KCND3: variants seen among roughly 807,000 people sequenced by gnomAD.
KCND3 encodes potassium voltage-gated channel subfamily D member 3.
In KCND3, 9 loss-of-function variants were observed where a neutral mutation model predicts 51.1. The ratio of observed to expected loss-of-function variants is 0.18; its 90% CI spans 0.11 to 0.31. The LOEUF is 0.31. KCND3 is among the 10% of genes least tolerant of loss of function. The pLI is 1.00. For synonymous variants in KCND3, 349 were observed against 368.0 expected, an observed-to-expected ratio of 0.95 and a Z score of 0.59; for missense variants, 526 against 903.8, an observed-to-expected ratio of 0.58 and a Z score of 5.36.
chr1:111,776,513 A>G (rs28635955), intron 7 of KCND3, among the ~76,000 whole-genome samples: 1 of 152,194 alleles, frequency 6.6e-6, no homozygotes, highest in African/African-American at 2.4e-5. Context: ...CACCCCCACC[A>G]GTGATTGTAT....
intron 2 of KCND3, among the ~76,000 whole-genome samples, chr1:111,954,430 A>G (rs1673221327): frequency 6.6e-6 from 1 of 152,244 alleles, no homozygotes; most frequent in Non-Finnish European, 1.5e-5. Flanking sequence ...TACAGAACTG[A>G]GACCATTTGT....
Position 111,981,938 on chromosome 1 carries a change from G to A in KCND3, c.789C>T (p.Asp263=), listed in dbSNP as rs373264592. 5.5e-5 allele frequency: 88 copies of A among 1,614,118 alleles called. No individual in the cohort carries two copies. In the East Asian group the frequency reaches 1.1e-3, roughly 20 times the overall value. The change falls in exon 2 of 8, where the codon GAC becomes GAT. Residue 263 remains aspartate, a synonymous_variant. Transcript: ENST00000302127. The surrounding 1 kb of genome is among the most constrained non-coding windows in gnomAD (Gnocchi z 6.2). ...RFIRSVMSII[D]VVAIMPYYIG... ...TGTAGTAGGGCATGATGGCCACCAC[G>A]TCGATGATGCTCATGACGCTGCGGA... is the stretch of plus-strand genomic sequence containing the variant.
At chr1:111,957,572 A>G (rs979870482) in intron 2 of KCND3, among the ~76,000 whole-genome samples, 1 of 151,758 alleles carries the variant, frequency 6.6e-6, no homozygotes, top group Non-Finnish European at 1.5e-5. Flanking sequence ...AAAAAAAAAG[A>G]GAGATATGTG....
intron 2 of KCND3, among the ~76,000 whole-genome samples, chr1:111,890,197 G>A (rs988807673): frequency 6.6e-6 from 1 of 152,202 alleles, no homozygotes; most frequent in African/African-American, 2.4e-5. Flanking sequence ...GTTGGGATGA[G>A]TAGATAAGGA....
chr1:111,897,788 G>A (rs1670193750), intron 2 of KCND3, among the ~76,000 whole-genome samples: 2 of 152,208 alleles, frequency 1.3e-5, no homozygotes, highest in Non-Finnish European at 2.9e-5. Context: ...GCAGGAGTGA[G>A]TCCCCACAAT....
chr1:111,949,524 G>A (rs755193656), intron 2 of KCND3, among the ~76,000 whole-genome samples: 19 of 152,214 alleles, frequency 1.2e-4, no homozygotes, highest in Non-Finnish European at 2.8e-4. Flanking sequence ...AGGAAAAGGT[G>A]AGGGGGTAGA....
At chr1:111,901,097 T>A (rs1352245379) in intron 2 of KCND3, among the ~76,000 whole-genome samples, 2 of 152,240 alleles carry the variant, frequency 1.3e-5, no homozygotes, top group Non-Finnish European at 2.9e-5. Flanking sequence ...ATAAGGTAGT[T>A]ATTATTGTTA....
At chr1:111,785,914 G>A (rs1235271926) in intron 3 of KCND3, among the ~76,000 whole-genome samples, 1 of 152,120 alleles carries the variant, frequency 6.6e-6, no homozygotes, top group Non-Finnish European at 1.5e-5. Context: ...AAATGTTTGT[G>A]GAATAATGGA....
intron 2 of KCND3, among the ~76,000 whole-genome samples, chr1:111,791,480 T>A (rs1664820905): frequency 6.6e-6 from 1 of 152,160 alleles, no homozygotes; most frequent in Admixed American, 6.5e-5. Context: ...GAAAAGACAG[T>A]GATGGAGCTG....
chr1:111,911,900 A>G (rs1483797161), intron 2 of KCND3, among the ~76,000 whole-genome samples: 12 of 152,234 alleles, frequency 7.9e-5, no homozygotes, highest in Admixed American at 7.9e-4. Flanking sequence ...TACTGCCTGC[A>G]TCGGATTTCC....
chr1:111,843,568 A>G (rs970159534), intron 2 of KCND3, among the ~76,000 whole-genome samples: 1 of 152,168 alleles, frequency 6.6e-6, no homozygotes, highest in African/African-American at 2.4e-5. Flanking sequence ...CTGGGTGGAC[A>G]TCTTGCTTTG....
intron 2 of KCND3, among the ~76,000 whole-genome samples, chr1:111,920,358 C>T (rs770064266): frequency 6.6e-6 from 1 of 152,240 alleles, no homozygotes; most frequent in Non-Finnish European, 1.5e-5. Context: ...TAATCACACT[C>T]CCCACACTGA....
Position 111,775,255 on chromosome 1 carries a change from T to A in KCND3, c.*822A>T, listed in dbSNP as rs114854284. 1,711 of 152,510 alleles carry A rather than the reference T, an allele frequency of 0.011. 40 individuals carry two copies. Among genetic ancestry groups the A allele is most frequent in the African/African-American group, 0.038 (1,564 of 41,484 alleles). The allele number at this position is 152,510 out of a possible 1,614,324, so 9.4% of individuals were successfully genotyped here. ...TGTTTCAGGATCATTGGGATCCAGG[T>A]AGAGACAGATGGCTGGACACAGAAA... On this transcript the variant is annotated 3_prime_UTR_variant, in exon 8 of 8. Coordinates refer to ENST00000302127, the MANE Select transcript of KCND3 (RefSeq NM_001378969.1).
chr1:111,982,618 G>T lies in KCND3; in HGVS notation c.109C>A (p.Arg37=). The change falls in exon 2 of 8, where the codon CGG becomes AGG. Residue 37 remains arginine (R), a synonymous_variant. Transcript: ENST00000302127. This position sits in a 1 kb window ranked among gnomAD's most constrained non-coding sequence, Gnocchi z 8.5. ...TTGAGGACAATCAGCTCATCCTGCCGCTTGTTCTTGTCGGCCGGGGCCAGG... is the reference window on the plus strand; with the variant it reads ...TTGAGGACAATCAGCTCATCCTGCCTCTTGTTCTTGTCGGCCGGGGCCAGG... ...MPLAPADKNK[R]QDELIVLNVS... The T allele has an allele frequency of 3.7e-6, 6 of 1,613,894 alleles. No individual in the cohort carries two copies. The highest frequency in any genetic ancestry group is 4.2e-6 in the Non-Finnish European group (5 of 1,179,902).
rs745993925 is a variant in KCND3, at chr1:111,777,195, T to A, written c.1597A>T (p.Ser533Cys). The A allele has an allele frequency of 1.2e-6, 2 of 1,614,212 alleles. No individual in the cohort carries two copies. Among genetic ancestry groups the A allele is most frequent in the Non-Finnish European group, 1.7e-6 (2 of 1,180,036 alleles). Reference protein sequence around the residue: ...SSMQNYPSTRSPSLSSHPGLT... With the variant: ...SSMQNYPSTRCPSLSSHPGLT... Reference sequence around the variant, plus strand: ...CCTGGGTGGCTGGACAGTGAGGGACTTCTTGTGGATGGGTAGTTCTGCATT... The same window carrying A: ...CCTGGGTGGCTGGACAGTGAGGGACATCTTGTGGATGGGTAGTTCTGCATT... Residue 533 changes from serine to cysteine, a missense_variant, in exon 7 of 8, where the codon AGT becomes TGT. Ser to Cys is a moderately radical substitution (Grantham distance 112, BLOSUM62 -1). Around this residue, in one of 5 missense-constraint regions of KCND3, gnomAD observed 266 missense variants for 305.5 expected, o/e 0.87. Coordinates refer to ENST00000302127, the MANE Select transcript of KCND3 (RefSeq NM_001378969.1).
intron 2 of KCND3, among the ~76,000 whole-genome samples, chr1:111,793,428 C>T (rs945446700): frequency 3.3e-5 from 5 of 152,116 alleles, no homozygotes; most frequent in African/African-American, 9.7e-5. Flanking sequence ...CTGCCCGCCT[C>T]AGCCTCCCAA....
At chr1:111,839,133 T>C (rs531430049) in intron 2 of KCND3, among the ~76,000 whole-genome samples, 1 of 152,332 alleles carries the variant, frequency 6.6e-6, no homozygotes, top group South Asian at 2.1e-4. Context: ...AGAACGAGAA[T>C]CTTGCTTTTT....
chr1:111,980,237 T>G (rs919675730), intron 2 of KCND3, among the ~76,000 whole-genome samples: 10 of 151,132 alleles, frequency 6.6e-5, no homozygotes, highest in Admixed American at 2.0e-4. Flanking sequence ...TGTGTGTGTG[T>G]GGGTTGGAGT....
At chr1:111,804,046 A>G (rs1237802023) in intron 2 of KCND3, among the ~76,000 whole-genome samples, 1 of 152,160 alleles carries the variant, frequency 6.6e-6, no homozygotes, top group Non-Finnish European at 1.5e-5. Context: ...GGCAGGCATC[A>G]ATGGCCACTA....
Sources: gnomAD v4.1 joint callset for allele counts (sites outside exome capture counted in the v4.1 genomes callset) on GRCh38, gnomAD v4.1.1 for gene constraint, gnomAD v4.1.1 regional missense constraint, Gnocchi (gnomAD v3.1) non-coding constraint, MANE v1.5 for transcripts, NCBI Gene and HGNC (gene_info 2026-07-23, HGNC 2026-07-21) for gene names.